Variants in PCDH15 observed in about 807,000 individuals in gnomAD.
PCDH15 encodes protocadherin-15.
PCDH15 carries 129 observed loss-of-function variants against 178.5 expected under a neutral mutation model. The ratio of observed to expected loss-of-function variants is 0.72; its 90% CI spans 0.63 to 0.84. The LOEUF is 0.84. PCDH15 is among the 40% of genes least tolerant of loss of function. The probability of loss-of-function intolerance (pLI) is 0.00; values close to 1 mark genes in which losing one functional copy is unlikely to be tolerated. For synonymous variants in PCDH15, 800 were observed against 732.0 expected (o/e 1.09, Z -1.50); for missense variants, 2,230 against 2,099.9 (o/e 1.06, Z -1.21).
At chr10:53,925,747 C>A (rs1261547665) in intron 25 of PCDH15, among the ~76,000 whole-genome samples, 1 of 152,122 alleles carries the variant, frequency 6.6e-6, no homozygotes, top group Non-Finnish European at 1.5e-5. Context: ...GTCTTGAGCC[C>A]TTTCTATGGT....
chr10:54,965,993 TATTC>T (rs1046047158), intron 2 of PCDH15, among the ~76,000 whole-genome samples: 118 of 151,196 alleles, frequency 7.8e-4, no homozygotes, highest in African/African-American at 2.7e-3. Flanking sequence ...GCATATTAGA[TATTC>T]ATTTATTGTA....
intron 1 of PCDH15, among the ~76,000 whole-genome samples, chr10:55,191,117 T>C (rs989593342): frequency 2.9e-4 from 44 of 151,786 alleles, no homozygotes; most frequent in Non-Finnish European, 4.4e-5. Context: ...ATATGGATTT[T>C]TTTTGGTTGG....
At chr10:55,604,377 G>T (rs1221994224) in intron 2 of PCDH15, among the ~76,000 whole-genome samples, 5 of 151,388 alleles carry the variant, frequency 3.3e-5, no homozygotes, top group African/African-American at 1.2e-4. Context: ...ATTGAACTCA[G>T]CTCTGCACCA....
intron 3 of PCDH15, among the ~76,000 whole-genome samples, chr10:54,879,885 A>T (rs1954228779): frequency 2.0e-5 from 3 of 152,004 alleles, no homozygotes; most frequent in African/African-American, 4.8e-5. Context: ...GATAACTGTG[A>T]TCATCATGAT....
chr10:54,444,150 C>G (rs1192086737), intron 3 of PCDH15, among the ~76,000 whole-genome samples: 1 of 151,648 alleles, frequency 6.6e-6, no homozygotes, highest in East Asian at 1.9e-4. Context: ...CATTATCATT[C>G]TCACTCATTA....
At chr10:55,542,178 T>C (rs941691424) in intron 2 of PCDH15, among the ~76,000 whole-genome samples, 1 of 150,734 alleles carries the variant, frequency 6.6e-6, no homozygotes, top group Admixed American at 6.6e-5. Context: ...ATATGTACAG[T>C]ATGTCTATAT....
intron 1 of PCDH15, among the ~76,000 whole-genome samples, chr10:55,251,829 A>G (rs1841846264): frequency 6.6e-6 from 1 of 152,192 alleles, no homozygotes; most frequent in Non-Finnish European, 1.5e-5. Flanking sequence ...AATGATACAC[A>G]ATACATGTCC....
At chr10:55,455,969 C>T (rs1023003704) in intron 2 of PCDH15, among the ~76,000 whole-genome samples, 3 of 152,068 alleles carry the variant, frequency 2.0e-5, no homozygotes, top group African/African-American at 7.2e-5. Context: ...TTAGTATATA[C>T]ATAAACGAAC....
chr10:54,639,783 A>T (rs1308805622), intron 2 of PCDH15, among the ~76,000 whole-genome samples: 1 of 152,220 alleles, frequency 6.6e-6, no homozygotes, highest in Non-Finnish European at 1.5e-5. Context: ...TGAGGTTTTC[A>T]AATAGATTCG....
chr10:55,503,306 AAACT>A (rs1488427556), intron 2 of PCDH15, among the ~76,000 whole-genome samples: 1 of 149,974 alleles, frequency 6.7e-6, no homozygotes, highest in African/African-American at 2.4e-5. Flanking sequence ...AATTTTAAAT[AAACT>A]AAGTTTCTAA....
chr10:54,194,428 A>G (rs936166050), intron 11 of PCDH15, among the ~76,000 whole-genome samples: 1 of 152,188 alleles, frequency 6.6e-6, no homozygotes, highest in African/African-American at 2.4e-5. Context: ...TATGTTGGAC[A>G]GTACAGTTAC....
chr10:55,065,566 T>C (rs751755612), intron 2 of PCDH15, among the ~76,000 whole-genome samples: 3 of 152,070 alleles, frequency 2.0e-5, no homozygotes, highest in Non-Finnish European at 4.4e-5. Context: ...TTAACTGTTT[T>C]ACCACTCTAT....
chr10:54,889,759 T>G (rs1954427584), intron 3 of PCDH15, among the ~76,000 whole-genome samples: 2 of 151,610 alleles, frequency 1.3e-5, no homozygotes, highest in African/African-American at 2.4e-5. Context: ...TTTAATATAT[T>G]AAATATATTG....
chr10:54,296,317 G>T (rs2059784166), intron 8 of PCDH15, among the ~76,000 whole-genome samples: 1 of 151,936 alleles, frequency 6.6e-6, no homozygotes, highest in Non-Finnish European at 1.5e-5. Flanking sequence ...CTGAGCCGAG[G>T]GTAGACAGAG....
At chr10:54,435,150 T>C (rs1448687364) in intron 3 of PCDH15, among the ~76,000 whole-genome samples, 2 of 152,178 alleles carry the variant, frequency 1.3e-5, no homozygotes, top group Non-Finnish European at 2.9e-5. Context: ...AGTTATGTGA[T>C]TTCCTCCCTT....
intron 2 of PCDH15, among the ~76,000 whole-genome samples, chr10:54,659,707 T>C (rs1425994311): frequency 6.7e-6 from 1 of 149,258 alleles, no homozygotes; most frequent in Non-Finnish European, 1.5e-5. Flanking sequence ...TGAGCTGAGA[T>C]AGCACCACTA....
At chr10:54,599,613 A>C (rs2092430152) in intron 2 of PCDH15, 1 of 318,846 alleles carries the variant, frequency 3.1e-6, no homozygotes, top group South Asian at 3.1e-5. Context: ...ATTTCATGGA[A>C]AATATGCCAA....
intron 2 of PCDH15, among the ~76,000 whole-genome samples, chr10:55,565,979 C>T (rs989057295): frequency 3.3e-5 from 5 of 151,568 alleles, no homozygotes; most frequent in African/African-American, 9.7e-5. Flanking sequence ...TTCCAAAACT[C>T]ATTCTATAAG....
At chr10:54,840,524 G>T (rs1047521367) in intron 3 of PCDH15, among the ~76,000 whole-genome samples, 2 of 151,530 alleles carry the variant, frequency 1.3e-5, no homozygotes, top group African/African-American at 2.4e-5. Context: ...AGGAGAAAAA[G>T]AAAGGAACAA....
Sources: allele counts gnomAD v4.1 joint callset (sites outside exome capture counted in the v4.1 genomes callset), GRCh38; gene constraint gnomAD v4.1.1; transcripts MANE v1.5; gene names NCBI Gene and HGNC (gene_info 2026-07-23, HGNC 2026-07-21).